RAB5C: variants seen among roughly 807,000 people sequenced by gnomAD.
RAB5C encodes ras-related protein Rab-5C.
In RAB5C, 4 loss-of-function variants were observed where a neutral mutation model predicts 25.2. The observed-to-expected ratio is 0.16, with a 90% CI of 0.08 to 0.36. The LOEUF is 0.36. Ranked by LOEUF, RAB5C falls within the 10% of genes least tolerant of loss-of-function variation. The pLI, the probability that RAB5C is intolerant of heterozygous loss-of-function variation, is 1.00. For synonymous variants in RAB5C, 100 were observed against 106.4 expected (o/e 0.94, Z 0.37); for missense variants, 199 against 283.8 (o/e 0.70, Z 2.15).
chr17:42,127,812 C>A (rs1471755745), intron 4 of RAB5C, among the ~76,000 whole-genome samples: 1 of 150,080 alleles, frequency 6.7e-6, no homozygotes, highest in Non-Finnish European at 1.5e-5. Context: ...CAGGTGTGTG[C>A]CACCACACCT....
chr17:42,154,155 A>T (rs2144107939), intron 1 of RAB5C, among the ~76,000 whole-genome samples: 1 of 152,328 alleles, frequency 6.6e-6, no homozygotes, highest in African/African-American at 2.4e-5. Flanking sequence ...AGGGGAAAGA[A>T]GATAATGAAT....
At chr17:42,144,914 A>G (rs2079623673) in intron 1 of RAB5C, among the ~76,000 whole-genome samples, 1 of 101,062 alleles carries the variant, frequency 9.9e-6, no homozygotes, top group Non-Finnish European at 1.9e-5. Flanking sequence ...CGACAGAGCC[A>G]GACTCCGTCT....
rs377142528 is a variant in RAB5C, at chr17:42,150,631, C to T, written c.-89+4262G>A. Among the ~76,000 whole-genome samples the T allele has an allele frequency of 1.5e-4, 20 of 136,914 alleles. No individual in the cohort carries two copies. The East Asian group carries it at 4.1e-3, about 28-fold the overall frequency. 89.8% of individuals were successfully genotyped at this position (136,914 alleles called of 152,430 possible). A position where few individuals can be genotyped will look rare whatever the true frequency, so the allele number is the denominator to read the frequency against. ...CCAGCACTCTGGGAGGCCGATGAGG[C>T]GGGCAGATCACCTCACCTGAGGTCA... On this transcript the variant is annotated intron_variant, in intron 1 of 5. Transcript: ENST00000346213.
intron 1 of RAB5C, among the ~76,000 whole-genome samples, chr17:42,147,415 T>C (rs2079644386): frequency 6.6e-6 from 1 of 152,220 alleles, no homozygotes; most frequent in Admixed American, 6.5e-5. Context: ...TGCTAAGTAC[T>C]GGTCTGGGGT....
chr17:42,127,539 ATTCTT>A (rs1388644131), intron 4 of RAB5C, among the ~76,000 whole-genome samples: 16 of 150,918 alleles, frequency 1.1e-4, no homozygotes, highest in African/African-American at 9.7e-5. Context: ...TGCTTTTTTT[ATTCTT>A]TTCTTTTTTT....
At chr17:42,152,661 C>G (rs2079679628) in intron 1 of RAB5C, among the ~76,000 whole-genome samples, 1 of 151,786 alleles carries the variant, frequency 6.6e-6, no homozygotes, top group African/African-American at 2.4e-5. Context: ...TGGCTGTAAT[C>G]TCAGCTACTC....
chr17:42,154,400 AGC>A (rs2079692836), intron 1 of RAB5C, among the ~76,000 whole-genome samples: 1 of 152,150 alleles, frequency 6.6e-6, no homozygotes, highest in African/African-American at 2.4e-5. Context: ...GAGTTGCGGG[AGC>A]GCACACACAC....
Position 42,125,807 on chromosome 17 carries a change from G to A in RAB5C, c.627C>T (p.Ser209=), listed in dbSNP as rs1555668639. The A allele has an allele frequency of 6.2e-7, 1 of 1,607,988 alleles. No individual in the cohort carries two copies. Among genetic ancestry groups the A allele is most frequent in the Admixed American group, 1.7e-5 (1 of 59,222 alleles). ...GVDLQENNPA[S]RSQCCSN is the part of the protein sequence containing the mutation. ...CTCAGTTGCTGCAGCACTGGCTCCG[G>A]CTGGCTGGGTTGTTCTCCTGGAGGT... The change falls in exon 6 of 6, where the codon AGC becomes AGT. Residue 209 remains serine, a synonymous_variant. Coordinates refer to ENST00000346213, the MANE Select transcript of RAB5C (RefSeq NM_004583.4).
chr17:42,146,343 T>A lies in RAB5C; in HGVS notation c.-89+8550A>T, dbSNP rs180820329. ...AAGATGTTAATAACAGGGAAAACTA[T>A]GTGTGAGGGATTGTGAGAAAACTCT... On this transcript the variant is annotated intron_variant, in intron 1 of 5. Coordinates refer to ENST00000346213, the MANE Select transcript of RAB5C (RefSeq NM_004583.4). Among the ~76,000 whole-genome samples the A allele has an allele frequency of 1.7e-4, 26 of 152,354 alleles. No homozygotes were observed. In the East Asian group the frequency reaches 2.3e-3, roughly 14 times the overall value.
chr17:42,142,219 G>A (rs557283816), intron 1 of RAB5C, among the ~76,000 whole-genome samples: 1 of 148,440 alleles, frequency 6.7e-6, no homozygotes, highest in South Asian at 2.1e-4. Flanking sequence ...TTTTTTGGTA[G>A]AGATGGGGTT....
intron 1 of RAB5C, among the ~76,000 whole-genome samples, chr17:42,141,412 A>G (rs1193466772): frequency 9.2e-5 from 14 of 152,248 alleles, no homozygotes. Flanking sequence ...AACAGCACAT[A>G]ACAGCAAGCC....
intron 1 of RAB5C, among the ~76,000 whole-genome samples, chr17:42,134,107 G>A (rs758989237): frequency 2.0e-5 from 3 of 152,076 alleles, no homozygotes; most frequent in East Asian, 1.9e-4. Context: ...TAGGAAGGGC[G>A]CACGGAGATA....
chr17:42,152,486 A>C (rs1028083421), intron 1 of RAB5C, among the ~76,000 whole-genome samples: 3 of 152,066 alleles, frequency 2.0e-5, no homozygotes, highest in African/African-American at 7.2e-5. Context: ...TTCCCCTTCA[A>C]AGTCGTTTCA....
At chr17:42,129,697 C>G (rs1381418614) in intron 2 of RAB5C, among the ~76,000 whole-genome samples, 2 of 152,184 alleles carry the variant, frequency 1.3e-5, no homozygotes, top group Non-Finnish European at 2.9e-5. Context: ...CTGACATGGC[C>G]CATTTTGTTT....
intron 1 of RAB5C, among the ~76,000 whole-genome samples, chr17:42,142,745 T>C (rs2079610474): frequency 6.6e-6 from 1 of 152,160 alleles, no homozygotes; most frequent in Non-Finnish European, 1.5e-5. Context: ...TTCAGAGAGA[T>C]GACAGTACAA....
chr17:42,128,255 C>G lies in RAB5C; in HGVS notation c.441+6G>C. ...ACTCCTTCCCCCAAGTCTGTCATCTCCCCACCTGGAATTCCACGGCTCTCT... is the reference window on the plus strand; with the variant it reads ...ACTCCTTCCCCCAAGTCTGTCATCTGCCCACCTGGAATTCCACGGCTCTCT... On this transcript the variant is annotated splice_donor_region_variant and intron_variant, in intron 4 of 5. Transcript: ENST00000346213. The G allele has an allele frequency of 1.2e-6, 2 of 1,612,618 alleles. No individual in the cohort carries two copies. The highest frequency in any genetic ancestry group is 1.7e-6 in the Non-Finnish European group (2 of 1,179,198).
intron 1 of RAB5C, among the ~76,000 whole-genome samples, chr17:42,146,445 G>A (rs779532029): frequency 6.6e-5 from 10 of 152,212 alleles, no homozygotes; most frequent in East Asian, 1.9e-4. Context: ...GGGAGACCCC[G>A]TCTCTACAAA....
chr17:42,140,515 ATTTTTTTTT>A (rs10553272), intron 1 of RAB5C, among the ~76,000 whole-genome samples: 8 of 26,628 alleles, frequency 3.0e-4, no homozygotes, highest in African/African-American at 8.9e-4. Context: ...ATATATATAT[ATTTTTTTTT>A]TTTTTTTTTT....
intron 1 of RAB5C, among the ~76,000 whole-genome samples, chr17:42,142,981 T>G (rs1305594368): frequency 6.6e-6 from 1 of 152,196 alleles, no homozygotes; most frequent in Non-Finnish European, 1.5e-5. Context: ...TATATACACA[T>G]GCCTCATCTT....
Sources: allele counts gnomAD v4.1 joint callset (sites outside exome capture counted in the v4.1 genomes callset), GRCh38; gene constraint gnomAD v4.1.1; transcripts MANE v1.5; gene names NCBI Gene and HGNC (gene_info 2026-07-23, HGNC 2026-07-21).